Variants in HOXB3 observed in about 807,000 individuals in gnomAD.
HOXB3 encodes the protein homeobox protein Hox-B3.
Under a neutral mutation model 29.2 loss-of-function variants are expected in HOXB3, and 17 were observed. The observed-to-expected ratio is 0.58, with a 90% CI of 0.40 to 0.87. HOXB3 has a LOEUF of 0.87. Ranked by LOEUF, HOXB3 falls within the 40% of genes least tolerant of loss-of-function variation. The pLI is 0.00. For synonymous variants in HOXB3, 317 were observed against 285.9 expected (o/e 1.11, Z -1.10); for missense variants, 637 against 616.3 (o/e 1.03, Z -0.35).
At chr17:48,564,169 C>T (rs1283838126) in intron 2 of HOXB3, among the ~76,000 whole-genome samples, 1 of 152,098 alleles carries the variant, frequency 6.6e-6, no homozygotes, top group Non-Finnish European at 1.5e-5. Flanking sequence ...CACCTCTGCA[C>T]CCCCGCCAGG....
chr17:48,585,169 T>C (rs546610918), intron 1 of HOXB3, among the ~76,000 whole-genome samples: 1 of 152,140 alleles, frequency 6.6e-6, no homozygotes, highest in Non-Finnish European at 1.5e-5. Context: ...GACTATTAAA[T>C]AACTCCTTGG....
At chr17:48,588,929 C>A (rs1177298982) in intron 1 of HOXB3, among the ~76,000 whole-genome samples, 1 of 152,164 alleles carries the variant, frequency 6.6e-6, no homozygotes, top group Non-Finnish European at 1.5e-5. Flanking sequence ...CTCGAGGTGC[C>A]ACATATCCAA....
At chr17:48,578,185 C>T (rs2069833871) in intron 1 of HOXB3, 1 of 1,612,430 alleles carries the variant, frequency 6.2e-7, no homozygotes, top group African/African-American at 1.3e-5. Context: ...GGAAGCTGCT[C>T]TCTCGCCTCT....
At chr17:48,584,496 T>G (rs2070009571) in intron 1 of HOXB3, among the ~76,000 whole-genome samples, 1 of 152,178 alleles carries the variant, frequency 6.6e-6, no homozygotes, top group African/African-American at 2.4e-5. Context: ...TTGACCCCTT[T>G]AGGGCAAGCA....
At chr17:48,574,876 G>C (rs943404736) in intron 1 of HOXB3, among the ~76,000 whole-genome samples, 1 of 152,178 alleles carries the variant, frequency 6.6e-6, no homozygotes, top group African/African-American at 2.4e-5. Flanking sequence ...TCACAAAAGA[G>C]GCCATTTGTC....
intron 1 of HOXB3, among the ~76,000 whole-genome samples, chr17:48,588,838 G>A (rs2070094292): frequency 6.6e-6 from 1 of 152,210 alleles, no homozygotes; most frequent in South Asian, 2.1e-4. Flanking sequence ...GGAGAAAGAG[G>A]ACAGGGGGAG....
intron 2 of HOXB3, among the ~76,000 whole-genome samples, chr17:48,561,544 GC>G: frequency 6.6e-6 from 1 of 152,340 alleles, no homozygotes; most frequent in Non-Finnish European, 1.5e-5. Flanking sequence ...ATACCCAGAT[GC>G]CCACAGAGCT....
In HOXB3 at chr17:48,573,798, A is replaced by G. The variant is rs1488292967; in HGVS notation, c.-247+39T>C. ...TTCAGTTGTGAAAAGAGCTCATAAAACGATCAAAACACGCCAGCCCGGGCC... is the reference window on the plus strand; with the variant it reads ...TTCAGTTGTGAAAAGAGCTCATAAAGCGATCAAAACACGCCAGCCCGGGCC... On this transcript the variant is annotated intron_variant, in intron 2 of 4. Coordinates refer to ENST00000498678, the MANE Select transcript of HOXB3 (RefSeq NM_001384749.1). 5.8e-6 allele frequency: 4 copies of G among 692,120 alleles called. No individual in the cohort carries two copies. In the South Asian group the frequency reaches 6.1e-5, roughly 11 times the overall value. 42.9% of individuals were successfully genotyped at this position (692,120 alleles called of 1,614,324 possible).
rs368271422 is a variant in HOXB3, at chr17:48,550,389, T to A, written c.1241A>T (p.His414Leu). The change falls in exon 5 of 5, where the codon CAC (histidine) becomes CTC (leucine). Residue 414 changes from histidine (H) to leucine (L), a missense_variant. By Grantham distance (99) the His-to-Leu change is moderately conservative. Transcript: ENST00000498678. ...GATTCTACCCTGAGGAGGAGGCGCG[T>A]GGTGAGAGGAGAGGTCTGTGTAGGT... ...HPTYTDLSSHHAPPPQGRIQE... is the reference protein window; with the variant it reads ...HPTYTDLSSHLAPPPQGRIQE... 1 of 1,613,742 alleles carries A rather than the reference T, an allele frequency of 6.2e-7. No individual in the cohort carries two copies. The highest frequency in any genetic ancestry group is 8.5e-7 in the Non-Finnish European group (1 of 1,179,978).
chr17:48,576,418 T>G (rs1205221317), intron 1 of HOXB3: 4 of 274,346 alleles, frequency 1.5e-5, no homozygotes, highest in Non-Finnish European at 6.8e-6. Flanking sequence ...CCTCCTCCTA[T>G]TTCTCTTTCT....
rs974361832 is a variant in HOXB3 at position 48,552,533 on chromosome 17, C to G, written c.-59G>C. The G allele has an allele frequency of 1.5e-6, 2 of 1,363,978 alleles. No individual in the cohort carries two copies. The highest frequency in any genetic ancestry group is 2.4e-5 in the East Asian group (1 of 42,260). The allele number at this position is 1,363,978 out of a possible 1,614,324, so 84.5% of individuals were successfully genotyped here. The stretch of plus-strand genomic sequence containing the variant: ...TGGAAAGGCCTGATACCCTCAGGAC[C>G]GGACATTGGCAACCCTGGGGGTCAC... On this transcript the variant is annotated 5_prime_UTR_variant, in exon 4 of 5. Coordinates refer to ENST00000498678, the MANE Select transcript of HOXB3 (RefSeq NM_001384749.1).
intron 2 of HOXB3, among the ~76,000 whole-genome samples, chr17:48,561,911 G>T (rs1002960600): frequency 6.6e-6 from 1 of 152,218 alleles, no homozygotes; most frequent in Non-Finnish European, 1.5e-5. Context: ...GAATGTTAGT[G>T]ATTCTCCATG....
chr17:48,583,163 C>T (rs1439703780), intron 1 of HOXB3, among the ~76,000 whole-genome samples: 1 of 152,208 alleles, frequency 6.6e-6, no homozygotes, highest in African/African-American at 2.4e-5. Flanking sequence ...AGATTTTGGT[C>T]CACACAACCC....
At chr17:48,575,025 C>T in intron 1 of HOXB3, 1 of 152,182 alleles carries the variant, frequency 6.6e-6, no homozygotes, top group East Asian at 1.9e-4. Context: ...CCTTAAACAC[C>T]TCAGAGGAAA....
chr17:48,568,518 T>A (rs2069465013), intron 2 of HOXB3, among the ~76,000 whole-genome samples: 1 of 151,868 alleles, frequency 6.6e-6, no homozygotes, highest in Non-Finnish European at 1.5e-5. Flanking sequence ...CGAGAGCGAC[T>A]CTCTCCCGGC....
At chr17:48,553,408 C>G (rs1012379099) in intron 3 of HOXB3, 1 of 151,968 alleles carries the variant, frequency 6.6e-6, no homozygotes, top group Admixed American at 6.5e-5. Flanking sequence ...TCCTGGGCCA[C>G]GCCAGTTGGT....
rs2069676000 is a variant in HOXB3 at position 48,574,026 on chromosome 17, TAAC to T, written c.-424-15_-424-13del. The stretch of plus-strand genomic sequence containing the variant: ...TCCAAGGAGATTTGCTGTTGAATAA[TAAC>T]AAAGGAGAGAGGATACGTATTTAAA... On this transcript the variant is annotated splice_polypyrimidine_tract_variant and intron_variant, in intron 1 of 4. Transcript: ENST00000498678. 1.1e-5 allele frequency: 7 copies of T among 620,026 alleles called. No homozygotes were observed. The Admixed American group carries it at 2.0e-4, about 18-fold the overall frequency. The allele number at this position is 620,026 out of a possible 1,614,324, so 38.4% of individuals were successfully genotyped here.
Position 48,550,974 on chromosome 17 carries a change from A to G in HOXB3, c.656T>C (p.Val219Ala). ...FNRYLCRPRR[V>A]EMANLLNLSE... Reference sequence around the variant, plus strand: ...GAGGTTCAGCAGGTTGGCCATCTCTACACGGCGAGGCCGGCACAGGTAGCG... The same window carrying G: ...GAGGTTCAGCAGGTTGGCCATCTCTGCACGGCGAGGCCGGCACAGGTAGCG... Residue 219 changes from valine to alanine, a missense_variant, in exon 5 of 5, where the codon GTA (valine) becomes GCA (alanine). Val to Ala is a moderately conservative substitution (Grantham distance 64). Transcript: ENST00000498678. 6 of 1,613,760 alleles carry G rather than the reference A, an allele frequency of 3.7e-6. No homozygotes were observed. The highest frequency in any genetic ancestry group is 4.2e-6 in the Non-Finnish European group (5 of 1,179,844).
chr17:48,579,569 A>G (rs2069879976), intron 1 of HOXB3: 1 of 152,828 alleles, frequency 6.5e-6, no homozygotes. Context: ...CAGAATAGAA[A>G]ATGGGTGCGT....
Sources: gnomAD v4.1 joint callset for allele counts (sites outside exome capture counted in the v4.1 genomes callset) on GRCh38, gnomAD v4.1.1 for gene constraint, MANE v1.5 for transcripts, NCBI Gene and HGNC (gene_info 2026-07-23, HGNC 2026-07-21) for gene names.